Variants in PUM1 observed in about 807,000 individuals in gnomAD.
PUM1 encodes pumilio homolog 1.
Under a neutral mutation model 131.8 loss-of-function variants are expected in PUM1, and 13 were observed. The ratio of observed to expected loss-of-function variants is 0.10; its 90% CI spans 0.06 to 0.16. The LOEUF is 0.16. PUM1 is among the 10% of genes least tolerant of loss of function. PUM1 has a pLI of 1.00. For synonymous variants in PUM1, 509 were observed against 556.5 expected (o/e 0.91, Z 1.20); for missense variants, 961 against 1,512.4 (o/e 0.64, Z 6.05).
intron 18 of PUM1, among the ~76,000 whole-genome samples, chr1:30,942,687 C>G (rs1316048792): frequency 6.6e-6 from 1 of 152,150 alleles, no homozygotes; most frequent in African/African-American, 2.4e-5. Flanking sequence ...CAACTGTAAT[C>G]AAGAACAATA....
At chr1:30,969,332 A>AAAAAAAAAAAAAAAAAAAAAAAAAAAAG (rs1557560979) in intron 10 of PUM1, among the ~76,000 whole-genome samples, 1 of 135,214 alleles carries the variant, frequency 7.4e-6, no homozygotes, top group Non-Finnish European at 1.6e-5. Context: ...AAAAAAAAAA[A>AAAAAAAAAAAAAAAAAAAAAAAAAAAAG]AAAAGAAAAA....
chr1:31,063,186 G>GAGCA (rs1644406386), intron 1 of PUM1, among the ~76,000 whole-genome samples: 1 of 152,082 alleles, frequency 6.6e-6, no homozygotes, highest in East Asian at 1.9e-4. Flanking sequence ...CTTTGTTCTA[G>GAGCA]AGCAGGCCAA....
At chr1:30,967,383 C>T in intron 11 of PUM1, 73 bp from the exon 12 acceptor site, 7 of 1,463,688 alleles carry the variant, frequency 4.8e-6, no homozygotes, top group Non-Finnish European at 6.6e-6. Flanking sequence ...AACATATTGT[C>T]AATAATCACA....
At chr1:30,982,980 C>T (rs191626283) in intron 7 of PUM1, among the ~76,000 whole-genome samples, 87 of 152,026 alleles carry the variant, frequency 5.7e-4, no homozygotes, top group Non-Finnish European at 1.0e-3. Flanking sequence ...AACTTCACTG[C>T]GATGCTGGCA....
chr1:30,940,220 G>C (rs1310583834), intron 20 of PUM1, among the ~76,000 whole-genome samples: 46 of 152,168 alleles, frequency 3.0e-4, no homozygotes, highest in Admixed American at 3.0e-3. Flanking sequence ...GCTCGTGCTG[G>C]TAATCCCAGC....
chr1:31,011,081 C>G (rs1268524969), intron 3 of PUM1, among the ~76,000 whole-genome samples: 1 of 151,712 alleles, frequency 6.6e-6, no homozygotes, highest in Non-Finnish European at 1.5e-5. Context: ...CTCCTTGAGC[C>G]CAGAGGTTTG....
At chr1:31,031,898 C>G (rs1303041458) in intron 2 of PUM1, among the ~76,000 whole-genome samples, 5 of 151,940 alleles carry the variant, frequency 3.3e-5, no homozygotes, top group Non-Finnish European at 7.4e-5. Flanking sequence ...CTCTCTCTCT[C>G]TCTCTCTCTG....
At chr1:30,983,106 T>C (rs895045935) in intron 7 of PUM1, among the ~76,000 whole-genome samples, 2 of 152,248 alleles carry the variant, frequency 1.3e-5, no homozygotes, top group African/African-American at 4.8e-5. Context: ...CAAGACTATT[T>C]GGTAACAGTG....
chr1:30,955,273 G>T (rs113520712), intron 14 of PUM1, among the ~76,000 whole-genome samples: 1 of 147,640 alleles, frequency 6.8e-6, no homozygotes, highest in African/African-American at 2.5e-5. Context: ...GGCTAACACG[G>T]TGAAACCCCG....
chr1:31,063,384 G>A (rs1644410046), intron 1 of PUM1, among the ~76,000 whole-genome samples: 1 of 152,062 alleles, frequency 6.6e-6, no homozygotes, highest in African/African-American at 2.4e-5. Flanking sequence ...GTTACCCCTA[G>A]TTAAGGCAAC....
chr1:31,038,984 A>ATATATATATATATATATTTTTTTTTT, intron 2 of PUM1, among the ~76,000 whole-genome samples: 7 of 49,418 alleles, frequency 1.4e-4, no homozygotes, highest in African/African-American at 2.1e-4. Flanking sequence ...ATATATATAT[A>ATATATATATATATATATTTTTTTTTT]TTTTTTTTTT....
At chr1:31,051,199 T>C (rs527280453) in intron 2 of PUM1, among the ~76,000 whole-genome samples, 29 of 151,476 alleles carry the variant, frequency 1.9e-4, no homozygotes, top group Admixed American at 1.4e-3. Context: ...GTAAGACTGG[T>C]TGACATGTCA....
intron 17 of PUM1, chr1:30,949,074 G>A (rs989310365): frequency 4.6e-6 from 2 of 434,832 alleles, no homozygotes; most frequent in Admixed American, 2.7e-5. Context: ...CAGTGCAGTG[G>A]TTTGGATTGG....
chr1:31,044,859 G>A (rs1462485115), intron 2 of PUM1, among the ~76,000 whole-genome samples: 3 of 152,066 alleles, frequency 2.0e-5, no homozygotes, highest in African/African-American at 7.2e-5. Context: ...ACCCAGGCTG[G>A]AGTGCAATGG....
intron 7 of PUM1, 85 bp from the exon 8 acceptor site, chr1:30,981,490 A>C: frequency 1.3e-6 from 1 of 767,740 alleles, no homozygotes; most frequent in Non-Finnish European, 2.2e-6. Flanking sequence ...AAATTTTAAT[A>C]AGCACTTGTT....
At chr1:30,952,125 C>A in intron 16 of PUM1, 109 bp downstream of exon 16, 2 of 1,049,668 alleles carry the variant, frequency 1.9e-6, no homozygotes, top group Non-Finnish European at 1.5e-6. Context: ...GACCACACAC[C>A]CTTCATTCTG....
chr1:31,015,964 C>A lies in PUM1; in HGVS notation c.433-8862G>T, dbSNP rs551609616. Among the ~76,000 whole-genome samples the A allele has an allele frequency of 2.2e-4, 34 of 152,274 alleles. No individual in the cohort carries two copies. The South Asian group carries it at 5.8e-3, about 26-fold the overall frequency. On this transcript the variant is annotated intron_variant, in intron 3 of 21. Transcript: ENST00000426105. ...CTGGGATTACAGGCATAAGCCACTG[C>A]GCCTGGCCACTTCAATACAATTTCA...
chr1:30,933,423 A>T, intron 21 of PUM1, 81 bp from the exon 22 acceptor site: 9 of 966,250 alleles, frequency 9.3e-6, no homozygotes, highest in East Asian at 3.5e-5. Flanking sequence ...TTTGCATGTC[A>T]TGCATCACAC....
At chr1:31,009,782 A>AAAAAAAGCAAAAAC (rs375044466) in intron 3 of PUM1, among the ~76,000 whole-genome samples, 1 of 125,354 alleles carries the variant, frequency 8.0e-6, no homozygotes, top group African/African-American at 3.3e-5. Context: ...AAAAAAAAAA[A>AAAAAAAGCAAAAAC]AAAAACAAAA....
Sources: gnomAD v4.1 joint callset for allele counts (sites outside exome capture counted in the v4.1 genomes callset) on GRCh38, gnomAD v4.1.1 for gene constraint, MANE v1.5 for transcripts, NCBI Gene and HGNC (gene_info 2026-07-23, HGNC 2026-07-21) for gene names.